Variants in CADPS2 observed in about 807,000 individuals in gnomAD.
The protein encoded by CADPS2 is calcium-dependent secretion activator 2.
Under a neutral mutation model 172.5 loss-of-function variants are expected in CADPS2, and 93 were observed. The ratio of observed to expected loss-of-function variants is 0.54; its 90% CI spans 0.46 to 0.64. The LOEUF (loss-of-function observed/expected upper bound fraction) is 0.64, where lower values mean the gene tolerates loss of function less well. Among genes scored for constraint, CADPS2 ranks in the 30% least tolerant of loss-of-function variants. The pLI, the probability that CADPS2 is intolerant of heterozygous loss-of-function variation, is 0.00. For missense variants in CADPS2, 1,420 were observed against 1,565.9 expected (o/e 0.91, Z 1.57); for synonymous variants, 546 against 555.2 (o/e 0.98, Z 0.23).
intron 7 of CADPS2, among the ~76,000 whole-genome samples, chr7:122,557,083 G>A (rs914896160): frequency 1.3e-5 from 2 of 152,226 alleles, no homozygotes; most frequent in Non-Finnish European, 2.9e-5. Context: ...ACATTGGCAC[G>A]TGTAACAAGG....
intron 2 of CADPS2, among the ~76,000 whole-genome samples, chr7:122,722,203 A>C (rs970852428): frequency 3.3e-5 from 5 of 152,112 alleles, no homozygotes; most frequent in African/African-American, 1.2e-4. Flanking sequence ...GCAATCAGGC[A>C]GGAGAAAGAA....
At chr7:122,839,507 A>T (rs925358857) in intron 1 of CADPS2, among the ~76,000 whole-genome samples, 5 of 152,236 alleles carry the variant, frequency 3.3e-5, no homozygotes, top group African/African-American at 1.2e-4. Flanking sequence ...ACAGAATGGG[A>T]GAACATTTTT....
At chr7:122,568,861 G>A (rs1308327720) in intron 7 of CADPS2, among the ~76,000 whole-genome samples, 1 of 152,064 alleles carries the variant, frequency 6.6e-6, no homozygotes, top group East Asian at 1.9e-4. Flanking sequence ...AAAAATTTTT[G>A]TTCTTTGAAA....
At chr7:122,432,082 CT>C (rs1196865233) in intron 17 of CADPS2, among the ~76,000 whole-genome samples, 1 of 151,566 alleles carries the variant, frequency 6.6e-6, no homozygotes, top group African/African-American at 2.4e-5. Context: ...TAATCTTTGG[CT>C]TTTGTGACGC....
intron 8 of CADPS2, among the ~76,000 whole-genome samples, chr7:122,551,168 AAC>A (rs904878674): frequency 6.6e-6 from 1 of 152,102 alleles, no homozygotes; most frequent in East Asian, 1.9e-4. Flanking sequence ...TTGAGAACTA[AAC>A]ACCATTTATT....
At chr7:122,429,158 G>A (rs1339589558) in intron 17 of CADPS2, among the ~76,000 whole-genome samples, 1 of 151,732 alleles carries the variant, frequency 6.6e-6, no homozygotes, top group Non-Finnish European at 1.5e-5. Context: ...GATGAGAAGG[G>A]TGATATTAAA....
chr7:122,361,326 C>T (rs1445039260), intron 25 of CADPS2, among the ~76,000 whole-genome samples: 1 of 150,936 alleles, frequency 6.6e-6, no homozygotes, highest in Non-Finnish European at 1.5e-5. Context: ...CTCCACCTCC[C>T]GAGTTCAAAC....
chr7:122,440,515 A>G (rs1002449893), intron 16 of CADPS2: 5 of 152,188 alleles, frequency 3.3e-5, no homozygotes, highest in African/African-American at 1.2e-4. Flanking sequence ...ACAATCAGGG[A>G]TAAGACAGGG....
chr7:122,647,886 A>G (rs1008962743), intron 3 of CADPS2, among the ~76,000 whole-genome samples: 1 of 152,182 alleles, frequency 6.6e-6, no homozygotes, highest in Non-Finnish European at 1.5e-5. Flanking sequence ...ACTGTATAGA[A>G]GGAATTTATT....
chr7:122,481,585 C>G (rs2057312700), intron 11 of CADPS2, among the ~76,000 whole-genome samples: 1 of 151,654 alleles, frequency 6.6e-6, no homozygotes. Flanking sequence ...ATTAAAAAGA[C>G]AAAAATTAGG....
intron 2 of CADPS2, among the ~76,000 whole-genome samples, chr7:122,672,164 G>A (rs1364418276): frequency 6.6e-6 from 1 of 152,140 alleles, no homozygotes; most frequent in Non-Finnish European, 1.5e-5. Context: ...AGGCTTATCA[G>A]TTATGAAACT....
chr7:122,859,650 G>T (rs1816381514), intron 1 of CADPS2, among the ~76,000 whole-genome samples: 1 of 152,020 alleles, frequency 6.6e-6, no homozygotes, highest in Admixed American at 6.6e-5. Flanking sequence ...TGAGGGATAG[G>T]TTCCAGGACC....
chr7:122,865,919 C>A (rs1385111489), intron 1 of CADPS2, among the ~76,000 whole-genome samples: 1 of 152,170 alleles, frequency 6.6e-6, no homozygotes, highest in Non-Finnish European at 1.5e-5. Flanking sequence ...GCACCCTCTG[C>A]AGGAAGTACT....
At chr7:122,712,438 C>T (rs565834798) in intron 2 of CADPS2, among the ~76,000 whole-genome samples, 1 of 152,090 alleles carries the variant, frequency 6.6e-6, no homozygotes, top group African/African-American at 2.4e-5. Flanking sequence ...TTATCAAGAC[C>T]CTACTATGTG....
chr7:122,469,420 T>C (rs984057347), intron 14 of CADPS2, among the ~76,000 whole-genome samples: 1 of 152,166 alleles, frequency 6.6e-6, no homozygotes, highest in African/African-American at 2.4e-5. Context: ...TATCCCCTAG[T>C]CAGAAGGAAT....
chr7:122,681,958 G>C (rs1434416072), intron 2 of CADPS2, among the ~76,000 whole-genome samples: 2 of 151,722 alleles, frequency 1.3e-5, no homozygotes, highest in Non-Finnish European at 2.9e-5. Flanking sequence ...CATACACATG[G>C]TATTACCATA....
chr7:122,686,848 C>T (rs2083696921), intron 2 of CADPS2, among the ~76,000 whole-genome samples: 1 of 152,058 alleles, frequency 6.6e-6, no homozygotes. Flanking sequence ...CTACGCCCGG[C>T]TAACTTTTGT....
chr7:122,886,376 A>G lies in CADPS2; in HGVS notation c.-39T>C. On this transcript the variant is annotated 5_prime_UTR_variant, in exon 1 of 30. Coordinates refer to ENST00000449022, the MANE Select transcript of CADPS2 (RefSeq NM_017954.11). ...CCCCGCCGCTCGGCCCGCGGTCCCC[A>G]AGCGCCTCACCCCCGGCGGCTGCGC... 6.7e-7 allele frequency: 1 copy of G among 1,482,082 alleles called. No individual in the cohort carries two copies. The highest frequency in any genetic ancestry group is 1.3e-5 in the South Asian group (1 of 78,524). The allele number at this position is 1,482,082 out of a possible 1,614,324, so 91.8% of individuals were successfully genotyped here.
chr7:122,766,472 T>A (rs1302069800), intron 1 of CADPS2, among the ~76,000 whole-genome samples: 2 of 152,090 alleles, frequency 1.3e-5, no homozygotes, highest in African/African-American at 4.8e-5. Context: ...AATTTGCCAT[T>A]TAGTTCACTC....
Sources: allele counts gnomAD v4.1 joint callset (sites outside exome capture counted in the v4.1 genomes callset), GRCh38; gene constraint gnomAD v4.1.1; transcripts MANE v1.5; gene names NCBI Gene and HGNC (gene_info 2026-07-23, HGNC 2026-07-21).